AIF1L: variants seen among roughly 807,000 people sequenced by gnomAD.
AIF1L encodes the protein allograft inflammatory factor 1-like.
In AIF1L, 12 loss-of-function variants were observed where a neutral mutation model predicts 20.7. The observed-to-expected ratio is 0.58, with a 90% confidence interval of 0.37 to 0.94. The LOEUF (loss-of-function observed/expected upper bound fraction) is 0.94, where lower values mean the gene tolerates loss of function less well. AIF1L is among the 40% of genes least tolerant of loss of function. The pLI is 0.01. For synonymous variants in AIF1L, 76 were observed against 65.1 expected (o/e 1.17, Z -0.81); for missense variants, 173 against 185.3 (o/e 0.93, Z 0.39).
chr9:131,111,557 C>T (rs2133392950), intron 2 of AIF1L, 40 bp from the exon 3 acceptor site: 1 of 1,592,296 alleles, frequency 6.3e-7, no homozygotes, highest in South Asian at 1.1e-5. Flanking sequence ...TGACTTCTGT[C>T]CCCAGTCCCT....
intron 2 of AIF1L, among the ~76,000 whole-genome samples, chr9:131,110,321 C>T (rs1470550902): frequency 6.6e-6 from 1 of 152,054 alleles, no homozygotes; most frequent in Non-Finnish European, 1.5e-5. Context: ...TCCTCCCCAC[C>T]CTGCCCATCT....
chr9:131,103,584 C>T (rs1257872859), intron 2 of AIF1L, among the ~76,000 whole-genome samples: 1 of 152,232 alleles, frequency 6.6e-6, no homozygotes, highest in Non-Finnish European at 1.5e-5. Context: ...GTTGAGGCTG[C>T]AGTGATCCTG....
At chr9:131,103,792 C>G (rs2133379827) in intron 2 of AIF1L, among the ~76,000 whole-genome samples, 1 of 152,278 alleles carries the variant, frequency 6.6e-6, no homozygotes, top group Admixed American at 6.5e-5. Context: ...GTTGCCCTGC[C>G]CAGAGCCACA....
intron 2 of AIF1L, chr9:131,102,757 C>A: frequency 2.7e-6 from 1 of 372,012 alleles, no homozygotes; most frequent in Non-Finnish European, 5.4e-6. Context: ...CAGGTGCCAG[C>A]ACCACTTGTG....
intron 2 of AIF1L, among the ~76,000 whole-genome samples, chr9:131,103,281 A>C (rs1418817301): frequency 6.6e-6 from 1 of 152,232 alleles, no homozygotes; most frequent in Non-Finnish European, 1.5e-5. Flanking sequence ...GGGGCTGAGG[A>C]CAAAGCAAAA....
At chr9:131,097,502 T>C (rs1203082263) in intron 2 of AIF1L, among the ~76,000 whole-genome samples, 1 of 152,238 alleles carries the variant, frequency 6.6e-6, no homozygotes, top group Admixed American at 6.5e-5. Context: ...ACACCACTCC[T>C]CTTCACTCCA....
At chr9:131,111,956 GCC>G (rs1463842183) in intron 3 of AIF1L, 2 of 446,494 alleles carry the variant, frequency 4.5e-6, no homozygotes. Flanking sequence ...GTTCCCGTCC[GCC>G]GCTGCCCAGG....
chr9:131,117,270 GTTACTT>G (rs1409072568), intron 4 of AIF1L, among the ~76,000 whole-genome samples: 1 of 152,166 alleles, frequency 6.6e-6, no homozygotes, highest in Non-Finnish European at 1.5e-5. Context: ...ACCCAGCAGA[GTTACTT>G]TCAATGCCTG....
At chr9:131,116,507 G>A (rs995746360) in intron 4 of AIF1L, among the ~76,000 whole-genome samples, 1 of 152,108 alleles carries the variant, frequency 6.6e-6, no homozygotes, top group African/African-American at 2.4e-5. Context: ...CAAGTGATCC[G>A]CCTGCCTCGT....
intron 4 of AIF1L, among the ~76,000 whole-genome samples, chr9:131,116,068 C>T (rs1272415848): frequency 6.7e-6 from 1 of 148,908 alleles, no homozygotes; most frequent in Non-Finnish European, 1.5e-5. Context: ...GACAAAAATG[C>T]ATCACCCACA....
chr9:131,106,303 T>C (rs1242916475), intron 2 of AIF1L: 1 of 1,360,856 alleles, frequency 7.3e-7, no homozygotes, highest in Non-Finnish European at 1.0e-6. Flanking sequence ...CCTCCACTCA[T>C]CCTGCACATG....
intron 2 of AIF1L, among the ~76,000 whole-genome samples, chr9:131,097,865 G>A (rs1208249191): frequency 6.6e-6 from 1 of 152,256 alleles, no homozygotes; most frequent in Non-Finnish European, 1.5e-5. Context: ...CATTCAGGAA[G>A]CACTCACAGA....
In AIF1L at chr9:131,121,433, G is replaced by C. The variant is rs1464716843; in HGVS notation, c.*1111G>C. ...CCTTGAGCTTGGGAATTGAACTGGG[G>C]TCACCTGTGTCCTTTCTTATGGACT... On this transcript the variant is annotated 3_prime_UTR_variant, in exon 6 of 6. Transcript: ENST00000247291. The C allele has an allele frequency of 3.4e-6, 1 of 292,402 alleles. No individual in the cohort carries two copies. The highest frequency in any genetic ancestry group is 6.3e-6 in the Non-Finnish European group (1 of 157,760). 18.1% of individuals were successfully genotyped at this position (292,402 alleles called of 1,614,324 possible).
intron 4 of AIF1L, among the ~76,000 whole-genome samples, chr9:131,117,410 G>A (rs544714061): frequency 2.6e-5 from 4 of 152,274 alleles, no homozygotes; most frequent in South Asian, 2.1e-4. Flanking sequence ...GCTCTGGGCC[G>A]GTGCTTCCTG....
In AIF1L at chr9:131,120,345, C is replaced by A. The variant is rs771723144; in HGVS notation, c.*23C>A. On this transcript the variant is annotated 3_prime_UTR_variant, in exon 6 of 6. Coordinates refer to ENST00000247291, the MANE Select transcript of AIF1L (RefSeq NM_031426.4). ...TGAGGACCCCGCCTGGACTCCCCAG[C>A]CTTCCCACCCCATACCTCCCTCCCG... The A allele has an allele frequency of 6.4e-7, 1 of 1,556,456 alleles. No individual in the cohort carries two copies. The highest frequency in any genetic ancestry group is 8.7e-7 in the Non-Finnish European group (1 of 1,142,892).
chr9:131,110,123 G>A (rs1830842229), intron 2 of AIF1L, among the ~76,000 whole-genome samples: 1 of 152,156 alleles, frequency 6.6e-6, no homozygotes, highest in Non-Finnish European at 1.5e-5. Context: ...GAGGTGGGAG[G>A]ATCACTTGAG....
intron 4 of AIF1L, 89 bp downstream of exon 4, chr9:131,114,707 G>A (rs1830970237): frequency 6.6e-7 from 1 of 1,526,526 alleles, no homozygotes; most frequent in African/African-American, 1.4e-5. Flanking sequence ...GGGGCATGGG[G>A]CAGTCCGGAA....
intron 3 of AIF1L, 57 bp downstream of exon 3, chr9:131,111,720 AT>A: frequency 6.5e-7 from 1 of 1,528,772 alleles, no homozygotes; most frequent in Non-Finnish European, 9.1e-7. Flanking sequence ...CTGGCCCCTC[AT>A]CCTTGCACAC....
In AIF1L at chr9:131,117,760, G is replaced by A; in HGVS notation, c.207G>A (p.Leu69=). ...FDLNNEGEID[L]MSLKRMMEKL... ...GATCTGCTTTTCCCCCGGCAGACCTGATGTCTTTAAAGAGGATGATGGAGA... is the reference window on the plus strand; with the variant it reads ...GATCTGCTTTTCCCCCGGCAGACCTAATGTCTTTAAAGAGGATGATGGAGA... The change falls in exon 5 of 6, where the codon CTG becomes CTA. Residue 69 remains leucine (L), a synonymous_variant. Coordinates refer to ENST00000247291, the MANE Select transcript of AIF1L (RefSeq NM_031426.4). 6.2e-7 allele frequency: 1 copy of A among 1,609,658 alleles called. No individual in the cohort carries two copies. Among genetic ancestry groups the A allele is most frequent in the East Asian group, 2.2e-5 (1 of 44,788 alleles).
Sources: gnomAD v4.1 joint callset for allele counts (sites outside exome capture counted in the v4.1 genomes callset) on GRCh38, gnomAD v4.1.1 for gene constraint, MANE v1.5 for transcripts, NCBI Gene and HGNC (gene_info 2026-07-23, HGNC 2026-07-21) for gene names.